FAM13B: variants seen among roughly 807,000 people sequenced by gnomAD.
FAM13B encodes the protein protein FAM13B.
FAM13B carries 60 observed loss-of-function variants against 117.3 expected under a neutral mutation model. The ratio of observed to expected loss-of-function variants is 0.51; its 90% CI spans 0.42 to 0.63. The LOEUF (loss-of-function observed/expected upper bound fraction) is 0.63, where lower values mean the gene tolerates loss of function less well. Among genes scored for constraint, FAM13B ranks in the 30% least tolerant of loss-of-function variants. The pLI is 0.00. For synonymous variants in FAM13B, 332 were observed against 356.1 expected, an observed-to-expected ratio of 0.93 and a Z score of 0.76; for missense variants, 972 against 1,091.9, an observed-to-expected ratio of 0.89 and a Z score of 1.55.
At chr5:137,991,997 C>T (rs1243717745) in intron 7 of FAM13B, among the ~76,000 whole-genome samples, 4 of 152,100 alleles carry the variant, frequency 2.6e-5, no homozygotes, top group South Asian at 4.1e-4. Flanking sequence ...ACAAAGCTCA[C>T]TACAGCCTCC....
chr5:137,990,029 G>C (rs1008409952), intron 7 of FAM13B, among the ~76,000 whole-genome samples: 1 of 152,080 alleles, frequency 6.6e-6, no homozygotes, highest in Non-Finnish European at 1.5e-5. Flanking sequence ...AGATAAATGA[G>C]GCTTTCCCTG....
At chr5:138,040,460 T>C (rs1480137168) in intron 1 of FAM13B, among the ~76,000 whole-genome samples, 1 of 151,598 alleles carries the variant, frequency 6.6e-6, no homozygotes, top group East Asian at 1.9e-4. Context: ...TGATCCCAGC[T>C]ACTCAGGAGG....
Position 137,939,845 on chromosome 5 carries a change from T to G in FAM13B, c.*380A>C. 1 of 1,289,250 alleles carries G rather than the reference T, an allele frequency of 7.8e-7. No homozygotes were observed. The highest frequency in any genetic ancestry group is 9.8e-7 in the Non-Finnish European group (1 of 1,020,186). The allele number at this position is 1,289,250 out of a possible 1,614,324, so 79.9% of individuals were successfully genotyped here. On this transcript the variant is annotated 3_prime_UTR_variant, in exon 24 of 24. Coordinates refer to ENST00000689681, the MANE Select transcript of FAM13B (RefSeq NM_001385994.1). ...GAAGAATTCAGTATGAAGATTTTCCTCCAATTTTCTTCAGTAATGAGAAAC... is the reference window on the plus strand; with the variant it reads ...GAAGAATTCAGTATGAAGATTTTCCGCCAATTTTCTTCAGTAATGAGAAAC...
chr5:138,043,615 A>G (rs1012115402), intron 1 of FAM13B, among the ~76,000 whole-genome samples: 2 of 151,132 alleles, frequency 1.3e-5, no homozygotes, highest in Non-Finnish European at 3.0e-5. Context: ...GATTTTTTGT[A>G]TTTTAGTAGA....
intron 1 of FAM13B, among the ~76,000 whole-genome samples, chr5:138,048,388 G>A (rs968582886): frequency 6.6e-6 from 1 of 152,168 alleles, no homozygotes; most frequent in Non-Finnish European, 1.5e-5. Flanking sequence ...TTATAGTGGA[G>A]GGTACAGAAC....
At chr5:137,972,060 T>C (rs1215770581) in intron 10 of FAM13B, among the ~76,000 whole-genome samples, 1 of 150,138 alleles carries the variant, frequency 6.7e-6, no homozygotes, top group East Asian at 1.9e-4. Context: ...CCATTCCTTC[T>C]GAAACTATTC....
In FAM13B at chr5:138,002,944, G is replaced by A. The variant is rs1384822768; in HGVS notation, c.848+4046C>T. Among the ~76,000 whole-genome samples, 5 of 151,750 alleles carry A rather than the reference G, an allele frequency of 3.3e-5. 1 individual carries two copies. The highest frequency in any genetic ancestry group is 2.4e-5 in the African/African-American group (1 of 41,254). Reference sequence around the variant, plus strand: ...CTGCCTCAGCCTCCCAAAGTGCTGGGATTACAGGTGTGAGCCACCGCGCCG... The same window carrying A: ...CTGCCTCAGCCTCCCAAAGTGCTGGAATTACAGGTGTGAGCCACCGCGCCG... On this transcript the variant is annotated intron_variant, in intron 7 of 23. Transcript: ENST00000689681.
intron 1 of FAM13B, among the ~76,000 whole-genome samples, chr5:138,024,814 G>C (rs12186430): frequency 0.13 from 175 of 1,346 alleles, no homozygotes; most frequent in Middle Eastern, 0.5. Flanking sequence ...CACACACACA[G>C]AGAGAGAGAG....
At chr5:137,986,964 C>T (rs1777391886) in intron 9 of FAM13B, among the ~76,000 whole-genome samples, 1 of 152,132 alleles carries the variant, frequency 6.6e-6, no homozygotes, top group African/African-American at 2.4e-5. Flanking sequence ...GATGCTCAAC[C>T]TGTATTAAGA....
At position 137,982,645 on chromosome 5, in the gene FAM13B, T is replaced by C. The variant is rs554467572; in HGVS notation, c.1179+2612A>G. Among the ~76,000 whole-genome samples the C allele has an allele frequency of 2.7e-5, 4 of 150,796 alleles. No individual in the cohort carries two copies. In the East Asian group the frequency reaches 7.7e-4, roughly 29 times the overall value. ...GAAAAGAATCTGAACAAACAGGCCT[T>C]GGTTAATGAGCCGCCCTTTATTTAT... On this transcript the variant is annotated intron_variant, in intron 10 of 23. Coordinates refer to ENST00000689681, the MANE Select transcript of FAM13B (RefSeq NM_001385994.1).
intron 1 of FAM13B, among the ~76,000 whole-genome samples, chr5:138,044,570 G>GCA (rs1791591624): frequency 6.7e-6 from 1 of 148,522 alleles, no homozygotes; most frequent in Non-Finnish European, 1.5e-5. Context: ...AAAAAAAAAC[G>GCA]GATAATATAA....
At chr5:138,032,575 G>A (rs890119247) in intron 1 of FAM13B, among the ~76,000 whole-genome samples, 2 of 152,216 alleles carry the variant, frequency 1.3e-5, no homozygotes, top group African/African-American at 4.8e-5. Context: ...GGCAGCCAGG[G>A]ACACGGCTTC....
intron 7 of FAM13B, among the ~76,000 whole-genome samples, chr5:137,994,618 C>T (rs984126760): frequency 9.2e-5 from 14 of 152,168 alleles, no homozygotes; most frequent in Admixed American, 5.9e-4. Flanking sequence ...GTACTATAGG[C>T]AGATGCCATA....
intron 1 of FAM13B, among the ~76,000 whole-genome samples, chr5:138,041,112 A>G (rs1791489959): frequency 1.3e-5 from 2 of 152,122 alleles, no homozygotes; most frequent in African/African-American, 4.8e-5. Context: ...TTCAAAGAAA[A>G]GATAATTTGG....
intron 1 of FAM13B, among the ~76,000 whole-genome samples, chr5:138,045,578 G>A (rs1791617970): frequency 6.6e-6 from 1 of 152,112 alleles, no homozygotes; most frequent in Non-Finnish European, 1.5e-5. Flanking sequence ...AGACCTACAG[G>A]TAACCGCATT....
chr5:137,994,164 G>C (rs564271467), intron 7 of FAM13B, among the ~76,000 whole-genome samples: 39 of 152,284 alleles, frequency 2.6e-4, no homozygotes, highest in African/African-American at 9.4e-4. Context: ...ATTACTGCAA[G>C]AGTAAAGATT....
intron 1 of FAM13B, among the ~76,000 whole-genome samples, chr5:138,028,996 G>C (rs1789186506): frequency 6.6e-6 from 1 of 152,106 alleles, no homozygotes; most frequent in Admixed American, 6.5e-5. Context: ...CTCCAGCCAG[G>C]GGGACAAGAA....
At chr5:138,047,181 C>A (rs188419982) in intron 1 of FAM13B, among the ~76,000 whole-genome samples, 102 of 151,988 alleles carry the variant, frequency 6.7e-4, no homozygotes, top group Non-Finnish European at 1.1e-3. Flanking sequence ...ATAAAGATGG[C>A]TAGTGTAGGC....
Position 137,954,215 on chromosome 5 carries a change from G to A in FAM13B, c.1669C>T (p.His557Tyr). ...LDFGQSQRFL[H>Y]DPEKLDSSSK... ...GAGGAATCCAACTTTTCTGGATCAT[G>A]TAGGAAACGCTGGCTTTGACCAAAA... Residue 557 changes from histidine (H) to tyrosine (Y), a missense_variant, in exon 15 of 24, where the codon CAT becomes TAT. His to Tyr is a moderately conservative substitution (Grantham distance 83). Coordinates refer to ENST00000689681, the MANE Select transcript of FAM13B (RefSeq NM_001385994.1). The A allele has an allele frequency of 6.2e-7, 1 of 1,614,060 alleles. No individual in the cohort carries two copies. The highest frequency in any genetic ancestry group is 8.5e-7 in the Non-Finnish European group (1 of 1,180,014).
Sources: gnomAD v4.1 joint callset for allele counts (sites outside exome capture counted in the v4.1 genomes callset) on GRCh38, gnomAD v4.1.1 for gene constraint, MANE v1.5 for transcripts, NCBI Gene and HGNC (gene_info 2026-07-23, HGNC 2026-07-21) for gene names.